GFPT2: variants seen among roughly 807,000 people sequenced by gnomAD.
GFPT2 encodes the protein glutamine--fructose-6-phosphate transaminase 2.
In GFPT2, 62 loss-of-function variants were observed where a neutral mutation model predicts 85.6. The observed-to-expected ratio is 0.72, with a 90% confidence interval of 0.59 to 0.90. The LOEUF (loss-of-function observed/expected upper bound fraction) is 0.90. Among genes scored for constraint, GFPT2 ranks in the 40% least tolerant of loss-of-function variants. GFPT2 has a pLI of 0.00. For missense variants in GFPT2, 788 were observed against 893.4 expected (o/e 0.88, Z 1.50); for synonymous variants, 368 against 344.5 (o/e 1.07, Z -0.75).
At chr5:180,322,758 T>C (rs908127564) in intron 9 of GFPT2, among the ~76,000 whole-genome samples, 1 of 151,940 alleles carries the variant, frequency 6.6e-6, no homozygotes, top group African/African-American at 2.4e-5. Flanking sequence ...AACATCTGGA[T>C]GGGCGCGGTG....
At position 180,331,567 on chromosome 5, in the gene GFPT2, T is replaced by C. The variant is rs1332284682; in HGVS notation, c.341-14A>G. The C allele has an allele frequency of 2.0e-6, 3 of 1,502,116 alleles. No homozygotes were observed. The highest frequency in any genetic ancestry group is 2.8e-6 in the Non-Finnish European group (3 of 1,078,042). The allele number at this position is 1,502,116 out of a possible 1,614,324, so 93.0% of individuals were successfully genotyped here. A position where few individuals can be genotyped will look rare whatever the true frequency, so the allele number is the denominator to read the frequency against. On this transcript the variant is annotated splice_polypyrimidine_tract_variant and intron_variant, in intron 4 of 18. Coordinates refer to ENST00000253778, the MANE Select transcript of GFPT2 (RefSeq NM_005110.4). ...TGACAACAAATTCTGAAAGAAAAGTTAAGAGAGAAATGCTATTGAGAAGGA... is the reference window on the plus strand; with the variant it reads ...TGACAACAAATTCTGAAAGAAAAGTCAAGAGAGAAATGCTATTGAGAAGGA...
chr5:180,319,062 G>T, intron 9 of GFPT2, 106 bp from the exon 10 acceptor site: 1 of 1,002,032 alleles, frequency 1.0e-6, no homozygotes, highest in Non-Finnish European at 1.5e-6. Context: ...TGGCATTTTA[G>T]GAGGGACAGA....
intron 1 of GFPT2, among the ~76,000 whole-genome samples, chr5:180,340,538 G>A (rs1311135867): frequency 2.8e-5 from 3 of 105,496 alleles, no homozygotes; most frequent in African/African-American, 1.1e-4. Flanking sequence ...TTGAGACGGA[G>A]TCTAGCTCTG....
chr5:180,349,715 T>C (rs145957239), intron 1 of GFPT2, among the ~76,000 whole-genome samples: 1 of 152,066 alleles, frequency 6.6e-6, no homozygotes, highest in African/African-American at 2.4e-5. Context: ...TCCAGAACTG[T>C]GAGCGAATAC....
At chr5:180,310,082 T>A (rs1346451539) in intron 15 of GFPT2, among the ~76,000 whole-genome samples, 2 of 151,694 alleles carry the variant, frequency 1.3e-5, no homozygotes, top group Non-Finnish European at 2.9e-5. Flanking sequence ...AGTGCTAGGA[T>A]GACAGGCATG....
At chr5:180,324,964 T>A in intron 7 of GFPT2, 69 bp from the exon 8 acceptor site, 1 of 960,638 alleles carries the variant, frequency 1.0e-6, no homozygotes, top group Admixed American at 1.7e-5. Flanking sequence ...CTGCCCAGCA[T>A]CTGAGGTAGG....
At position 180,313,831 on chromosome 5, in the gene GFPT2, C is replaced by T. The variant is rs532880612; in HGVS notation, c.1407G>A (p.Pro469=). The part of the protein sequence containing the change: ...TDCGVHINAG[P]EIGVASTKAY... The stretch of plus-strand genomic sequence containing the variant: ...CCTTGGTGCTGGCCACGCCGATCTC[C>T]GGCCCTGCGTTGATGTGGACGCCGC... The change falls in exon 14 of 19, where the codon CCG becomes CCA. Residue 469 remains proline (P), a synonymous_variant. Transcript: ENST00000253778. 93 of 1,578,582 alleles carry T rather than the reference C, an allele frequency of 5.9e-5. No individual in the cohort carries two copies. The highest frequency in any genetic ancestry group is 7.5e-5 in the Non-Finnish European group (87 of 1,166,060).
At chr5:180,342,934 A>T (rs994540244) in intron 1 of GFPT2, among the ~76,000 whole-genome samples, 4 of 151,988 alleles carry the variant, frequency 2.6e-5, no homozygotes, top group Non-Finnish European at 4.4e-5. Context: ...AGAAAGAAAG[A>T]AAAAAACAAC....
intron 2 of GFPT2, 101 bp downstream of exon 2, chr5:180,338,392 G>A (rs1264699237): frequency 4.0e-6 from 2 of 496,718 alleles, no homozygotes; most frequent in Non-Finnish European, 7.3e-6. Context: ...AAAAGTAGCA[G>A]AAAAAATGCC....
At chr5:180,351,626 C>T (rs73811448) in intron 1 of GFPT2, among the ~76,000 whole-genome samples, 1,809 of 152,340 alleles carry the variant, frequency 0.012, 37 homozygotes, top group African/African-American at 0.042. Context: ...TACAGGTGGT[C>T]ACACCCCAAA....
chr5:180,312,630 T>C, intron 14 of GFPT2, 86 bp from the exon 15 acceptor site: 1 of 743,270 alleles, frequency 1.3e-6, no homozygotes, highest in South Asian at 1.5e-5. Flanking sequence ...ACTCTGTTGC[T>C]CACGCCTGAG....
intron 1 of GFPT2, among the ~76,000 whole-genome samples, chr5:180,347,386 G>A (rs562494485): frequency 1.3e-5 from 2 of 152,036 alleles, no homozygotes; most frequent in Non-Finnish European, 1.5e-5. Context: ...CATGTGCCCT[G>A]TGGTCACCCA....
intron 17 of GFPT2, among the ~76,000 whole-genome samples, chr5:180,304,060 CCA>C (rs1057360723): frequency 6.6e-6 from 1 of 152,134 alleles, no homozygotes; most frequent in African/African-American, 2.4e-5. Flanking sequence ...CTTAATAAAA[CCA>C]CAATACAAAC....
chr5:180,352,614 G>A (rs953948967), intron 1 of GFPT2: 2 of 449,220 alleles, frequency 4.5e-6, no homozygotes, highest in African/African-American at 2.1e-5. Flanking sequence ...CGCGCAAAGA[G>A]GCGGTAACGC....
intron 14 of GFPT2, among the ~76,000 whole-genome samples, chr5:180,312,831 C>A (rs1561873716): frequency 1.3e-5 from 2 of 152,296 alleles, no homozygotes; most frequent in South Asian, 4.1e-4. Flanking sequence ...GGCTGGAGTG[C>A]AGTGGCTCGA....
Position 180,330,851 on chromosome 5 carries a change from GCA to G in GFPT2, c.400-19_400-18del. 1 of 1,612,350 alleles carries G rather than the reference GCA, an allele frequency of 6.2e-7. No individual in the cohort carries two copies. The highest frequency in any genetic ancestry group is 8.5e-7 in the Non-Finnish European group (1 of 1,178,672). ...TTTGCTTTCCTGGAATATGCAGTCG[GCA>G]CAGTGTGAGAGATTGGTCATTGCAC... On this transcript the variant is annotated intron_variant, in intron 5 of 18. Transcript: ENST00000253778. The surrounding 1 kb of genome is among the most constrained non-coding windows in gnomAD (Gnocchi z 4.4).
At chr5:180,350,724 A>G (rs146282659) in intron 1 of GFPT2, among the ~76,000 whole-genome samples, 352 of 152,348 alleles carry the variant, frequency 2.3e-3, no homozygotes, top group African/African-American at 8.2e-3. Context: ...CAATAAAACC[A>G]AAGTGTCATT....
chr5:180,332,208 AGCACCCC>A (rs1764314752), intron 4 of GFPT2, among the ~76,000 whole-genome samples: 1 of 138,972 alleles, frequency 7.2e-6, no homozygotes, highest in South Asian at 2.7e-4. Flanking sequence ...CTGCACAGGT[AGCACCCC>A]GCTGATCCTG....
intron 15 of GFPT2, among the ~76,000 whole-genome samples, chr5:180,308,024 G>A (rs1172805345): frequency 6.6e-6 from 1 of 151,460 alleles, no homozygotes; most frequent in African/African-American, 2.4e-5. Context: ...TGGAAGGCTG[G>A]GGCAGGCGGA....
Sources: gnomAD v4.1 joint callset for allele counts (sites outside exome capture counted in the v4.1 genomes callset) on GRCh38, gnomAD v4.1.1 for gene constraint, Gnocchi (gnomAD v3.1) non-coding constraint, MANE v1.5 for transcripts, NCBI Gene and HGNC (gene_info 2026-07-23, HGNC 2026-07-21) for gene names.